PLPPR1: variants seen among roughly 807,000 people sequenced by gnomAD.
PLPPR1 encodes the protein phospholipid phosphatase related 1.
Under a neutral mutation model 33.1 loss-of-function variants are expected in PLPPR1, and 10 were observed. The observed-to-expected ratio is 0.30, with a 90% CI of 0.19 to 0.51. PLPPR1 has a LOEUF of 0.51. PLPPR1 is among the 20% of genes least tolerant of loss of function. The pLI is 0.97. For missense variants in PLPPR1, 304 were observed against 408.1 expected (o/e 0.74, Z 2.20); for synonymous variants, 151 against 151.0 (o/e 1.00, Z 0.00).
At chr9:101,094,914 T>C (rs1187829642) in intron 1 of PLPPR1, among the ~76,000 whole-genome samples, 1 of 152,154 alleles carries the variant, frequency 6.6e-6, no homozygotes, top group Non-Finnish European at 1.5e-5. Flanking sequence ...AACAATCTGA[T>C]ATTAGGCAGG....
At chr9:101,076,919 C>T (rs1352091117) in intron 1 of PLPPR1, among the ~76,000 whole-genome samples, 2 of 152,134 alleles carry the variant, frequency 1.3e-5, no homozygotes, top group Non-Finnish European at 2.9e-5. Context: ...GGCTTCTTCC[C>T]TACTTCCCTC....
intron 2 of PLPPR1, among the ~76,000 whole-genome samples, chr9:101,212,344 A>G (rs1826706174): frequency 6.6e-6 from 1 of 152,038 alleles, no homozygotes; most frequent in Non-Finnish European, 1.5e-5. Flanking sequence ...CAGACTCCCA[A>G]AGTGCTGGGA....
chr9:101,314,750 T>TAA (rs34696830), intron 6 of PLPPR1, among the ~76,000 whole-genome samples: 5 of 146,208 alleles, frequency 3.4e-5, no homozygotes, highest in African/African-American at 1.2e-4. Context: ...AGCTTCAATT[T>TAA]AAAAAAAAAA....
chr9:101,060,360 A>T (rs1416489008), intron 1 of PLPPR1, among the ~76,000 whole-genome samples: 1 of 152,018 alleles, frequency 6.6e-6, no homozygotes, highest in Non-Finnish European at 1.5e-5. Context: ...ACAAAATTTC[A>T]GTTACACAGG....
In PLPPR1 at chr9:101,288,310, G is replaced by A. The variant is rs565431715; in HGVS notation, c.385+2074G>A. 1.3e-3 allele frequency among the ~76,000 whole-genome samples: 193 copies of A among 152,246 alleles called. 4 individuals are homozygous for A. In the Middle Eastern group the frequency reaches 0.02, roughly 16 times the overall value. Reference sequence around the variant, plus strand: ...AAAGTAGAAATTTGTCACGCTGGAGGAGCATCAAATTCCCATTTATAATCA... The same window carrying A: ...AAAGTAGAAATTTGTCACGCTGGAGAAGCATCAAATTCCCATTTATAATCA... On this transcript the variant is annotated intron_variant, in intron 4 of 7. Coordinates refer to ENST00000374874, the MANE Select transcript of PLPPR1 (RefSeq NM_207299.2).
intron 1 of PLPPR1, among the ~76,000 whole-genome samples, chr9:101,102,231 G>A (rs568288128): frequency 8.2e-6 from 1 of 121,942 alleles, no homozygotes; most frequent in Non-Finnish European, 1.7e-5. Flanking sequence ...TGACATGCTG[G>A]TGCGCTGCAC....
At chr9:101,161,305 T>C (rs1488728747) in intron 1 of PLPPR1, among the ~76,000 whole-genome samples, 2 of 152,112 alleles carry the variant, frequency 1.3e-5, no homozygotes, top group African/African-American at 4.8e-5. Flanking sequence ...TGGACACACA[T>C]TAAGTTGAGG....
At chr9:101,197,573 A>G (rs112819761) in intron 2 of PLPPR1, among the ~76,000 whole-genome samples, 8 of 152,192 alleles carry the variant, frequency 5.3e-5, no homozygotes, top group African/African-American at 1.9e-4. Flanking sequence ...CTCCAGTCCA[A>G]CCGGGCAAGA....
intron 2 of PLPPR1, among the ~76,000 whole-genome samples, chr9:101,262,845 TC>T (rs1307312225): frequency 6.6e-6 from 1 of 152,290 alleles, no homozygotes; most frequent in East Asian, 1.9e-4. Flanking sequence ...TGAGTTCATG[TC>T]CTTTGCAAGG....
chr9:101,039,205 C>T (rs182563485), intron 1 of PLPPR1, among the ~76,000 whole-genome samples: 89 of 152,296 alleles, frequency 5.8e-4, no homozygotes, highest in Admixed American at 2.3e-3. Flanking sequence ...AGAGCTTGGA[C>T]TAGAGCGTCA....
chr9:101,280,343 G>A (rs1439851231), intron 3 of PLPPR1, among the ~76,000 whole-genome samples: 1 of 152,056 alleles, frequency 6.6e-6, no homozygotes, highest in African/African-American at 2.4e-5. Context: ...TTTCACTATT[G>A]AATTTTACCA....
intron 1 of PLPPR1, among the ~76,000 whole-genome samples, chr9:101,046,089 CTA>C (rs1457919486): frequency 5.9e-5 from 9 of 152,204 alleles, no homozygotes; most frequent in Admixed American, 1.3e-4. Context: ...TCTAATGCAT[CTA>C]TGTGTCTGTA....
intron 1 of PLPPR1, among the ~76,000 whole-genome samples, chr9:101,146,125 C>G (rs970186132): frequency 6.6e-6 from 1 of 152,166 alleles, no homozygotes; most frequent in South Asian, 2.1e-4. Context: ...TGCTTCATAT[C>G]TCTTGGCATT....
intron 4 of PLPPR1, among the ~76,000 whole-genome samples, chr9:101,302,861 C>T (rs545684798): frequency 5.9e-5 from 9 of 152,274 alleles, no homozygotes; most frequent in South Asian, 2.1e-4. Flanking sequence ...ATTTTGAAAA[C>T]GAGAAAATGT....
At chr9:101,085,714 G>C (rs1409477560) in intron 1 of PLPPR1, among the ~76,000 whole-genome samples, 2 of 152,138 alleles carry the variant, frequency 1.3e-5, no homozygotes, top group Non-Finnish European at 2.9e-5. Context: ...TCAAAGACAG[G>C]GACTTTAAAT....
At chr9:101,323,996 G>A in intron 7 of PLPPR1, 29 bp from the exon 8 acceptor site, 1 of 1,609,676 alleles carries the variant, frequency 6.2e-7, no homozygotes, top group Non-Finnish European at 8.5e-7. Context: ...CCCTATCTCA[G>A]ATTTTATCTG....
intron 2 of PLPPR1, among the ~76,000 whole-genome samples, chr9:101,203,766 A>G (rs1279130411): frequency 6.6e-6 from 1 of 151,826 alleles, no homozygotes; most frequent in African/African-American, 2.4e-5. Flanking sequence ...CAGATATATA[A>G]CTTCAGAAGT....
intron 1 of PLPPR1, among the ~76,000 whole-genome samples, chr9:101,137,764 A>G (rs1182595028): frequency 6.6e-6 from 1 of 152,234 alleles, no homozygotes; most frequent in Non-Finnish European, 1.5e-5. Context: ...TGCCTCTGAA[A>G]TAGTCATAAT....
intron 3 of PLPPR1, among the ~76,000 whole-genome samples, chr9:101,281,892 G>T (rs970343798): frequency 6.6e-6 from 1 of 152,080 alleles, no homozygotes; most frequent in Admixed American, 6.6e-5. Flanking sequence ...TGAAGAAATA[G>T]AAATTCCAAA....
Sources: allele counts gnomAD v4.1 joint callset (sites outside exome capture counted in the v4.1 genomes callset), GRCh38; gene constraint gnomAD v4.1.1; transcripts MANE v1.5; gene names NCBI Gene and HGNC (gene_info 2026-07-23, HGNC 2026-07-21).